RFX3: variants seen among roughly 807,000 people sequenced by gnomAD.
RFX3 encodes the protein transcription factor RFX3.
RFX3 carries 14 observed loss-of-function variants against 98.6 expected under a neutral mutation model. The observed-to-expected ratio is 0.14, with a 90% CI of 0.09 to 0.22. The LOEUF is 0.22. Ranked by LOEUF, RFX3 falls within the 10% of genes least tolerant of loss-of-function variation. RFX3 has a pLI of 1.00. For missense variants in RFX3, 639 were observed against 926.9 expected (o/e 0.69, Z 4.03); for synonymous variants, 383 against 328.4 (o/e 1.17, Z -1.80).
chr9:3,502,836 AATAAG>A (rs1356328946), intron 1 of RFX3, among the ~76,000 whole-genome samples: 2 of 152,134 alleles, frequency 1.3e-5, no homozygotes, highest in Non-Finnish European at 2.9e-5. Flanking sequence ...CAATGGGAAT[AATAAG>A]ATAGGTGGGG....
At chr9:3,310,200 T>C (rs1829801362) in intron 4 of RFX3, among the ~76,000 whole-genome samples, 1 of 152,154 alleles carries the variant, frequency 6.6e-6, no homozygotes, top group African/African-American at 2.4e-5. Context: ...GAAGAGGTGT[T>C]GAGTCTTTTG....
intron 7 of RFX3, among the ~76,000 whole-genome samples, chr9:3,281,438 C>T (rs1825901267): frequency 6.7e-6 from 1 of 150,234 alleles, no homozygotes; most frequent in East Asian, 1.9e-4. Context: ...GAGTATTTTC[C>T]TCCCTTTACT....
intron 2 of RFX3, among the ~76,000 whole-genome samples, chr9:3,389,418 C>G (rs935277852): frequency 2.0e-5 from 3 of 151,978 alleles, no homozygotes; most frequent in East Asian, 1.9e-4. Context: ...TGGGTAATAT[C>G]AAAATTTGAG....
chr9:3,513,028 C>G lies in RFX3; in HGVS notation c.-9+12719G>C, dbSNP rs187392504. 2.6e-5 allele frequency among the ~76,000 whole-genome samples: 4 copies of G among 152,180 alleles called. No individual in the cohort carries two copies. The East Asian group carries it at 7.7e-4, about 29-fold the overall frequency. ...CAATTTTGTATCTAATAACCCATTT[C>G]TCTCATTTCTTTATGCTCCTTAAAA... On this transcript the variant is annotated intron_variant, in intron 1 of 16. Coordinates refer to ENST00000617270, the MANE Select transcript of RFX3 (RefSeq NM_001282116.2).
intron 2 of RFX3, among the ~76,000 whole-genome samples, chr9:3,351,543 C>T (rs1223907729): frequency 6.6e-6 from 1 of 151,736 alleles, no homozygotes; most frequent in African/African-American, 2.4e-5. Flanking sequence ...AAAATCTAGA[C>T]ATATAATTGA....
At chr9:3,269,601 C>T (rs189459212) in intron 11 of RFX3, among the ~76,000 whole-genome samples, 4 of 152,022 alleles carry the variant, frequency 2.6e-5, no homozygotes, top group Admixed American at 1.3e-4. Context: ...GCGTTTATAT[C>T]GATACTTGAG....
intron 15 of RFX3, among the ~76,000 whole-genome samples, chr9:3,236,746 T>C (rs149939195): frequency 3.3e-5 from 5 of 152,298 alleles, no homozygotes; most frequent in African/African-American, 9.6e-5. Flanking sequence ...CAGCAACAGA[T>C]AGTCCACATA....
At chr9:3,417,134 T>C (rs1843054145) in intron 1 of RFX3, among the ~76,000 whole-genome samples, 1 of 152,078 alleles carries the variant, frequency 6.6e-6, no homozygotes, top group Non-Finnish European at 1.5e-5. Context: ...GGAGCCTGCC[T>C]ATTCATCAAG....
At position 3,456,957 on chromosome 9, in the gene RFX3, G is replaced by A. The variant is rs576381285; in HGVS notation, c.-8-61361C>T. ...AGGTCAAGAGATCGAGACCATCCTG[G>A]CCAACATGGTGAAACCCCGTCTCTA... is the stretch of plus-strand genomic sequence containing the variant. On this transcript the variant is annotated intron_variant, in intron 1 of 16. Coordinates refer to ENST00000617270, the MANE Select transcript of RFX3 (RefSeq NM_001282116.2). Among the ~76,000 whole-genome samples, 6 of 151,694 alleles carry A rather than the reference G, an allele frequency of 4.0e-5. No homozygotes were observed. The South Asian group carries it at 6.2e-4, about 16-fold the overall frequency.
At chr9:3,242,201 G>C (rs1477446474) in intron 15 of RFX3, among the ~76,000 whole-genome samples, 1 of 152,112 alleles carries the variant, frequency 6.6e-6, no homozygotes. Flanking sequence ...TGGTGAAATA[G>C]GGATACTGAG....
At chr9:3,407,563 T>C (rs1472776095) in intron 1 of RFX3, among the ~76,000 whole-genome samples, 5 of 152,168 alleles carry the variant, frequency 3.3e-5, no homozygotes, top group Non-Finnish European at 7.4e-5. Flanking sequence ...TGTTGTTTCA[T>C]TGTTTTTTTA....
intron 1 of RFX3, among the ~76,000 whole-genome samples, chr9:3,427,319 T>C (rs1202504793): frequency 7.0e-6 from 1 of 142,704 alleles, no homozygotes; most frequent in East Asian, 2.0e-4. Flanking sequence ...TACATAATAA[T>C]ACAATATATA....
intron 1 of RFX3, among the ~76,000 whole-genome samples, chr9:3,434,152 C>G (rs1398478618): frequency 2.0e-5 from 3 of 152,088 alleles, no homozygotes; most frequent in South Asian, 4.1e-4. Flanking sequence ...TTTTGAGTAA[C>G]AAGGCTCTGA....
intron 1 of RFX3, among the ~76,000 whole-genome samples, chr9:3,505,338 T>TA (rs745964528): frequency 9.5e-4 from 25 of 26,448 alleles, no homozygotes; most frequent in African/African-American, 5.3e-3. Flanking sequence ...ATATTTTATA[T>TA]AAATAAAATA....
At chr9:3,503,547 T>G (rs1374458276) in intron 1 of RFX3, among the ~76,000 whole-genome samples, 1 of 152,046 alleles carries the variant, frequency 6.6e-6, no homozygotes, top group Non-Finnish European at 1.5e-5. Context: ...GACACCAAAC[T>G]GAAATGGAAA....
At chr9:3,370,817 G>C (rs915212078) in intron 2 of RFX3, among the ~76,000 whole-genome samples, 1 of 152,052 alleles carries the variant, frequency 6.6e-6, no homozygotes, top group African/African-American at 2.4e-5. Flanking sequence ...ACAATGTCCA[G>C]ATAAGTAATT....
intron 1 of RFX3, among the ~76,000 whole-genome samples, chr9:3,416,185 A>C (rs1331800719): frequency 1.3e-5 from 2 of 152,216 alleles, no homozygotes; most frequent in Non-Finnish European, 2.9e-5. Flanking sequence ...TGCTTTATAA[A>C]TACTATCCCA....
chr9:3,287,788 T>C (rs1826824528), intron 7 of RFX3, among the ~76,000 whole-genome samples: 1 of 151,990 alleles, frequency 6.6e-6, no homozygotes, highest in South Asian at 2.1e-4. Flanking sequence ...TTGAGAGATG[T>C]GCAGAATAGC....
intron 2 of RFX3, among the ~76,000 whole-genome samples, chr9:3,373,619 G>C (rs1044701928): frequency 6.6e-6 from 1 of 152,082 alleles, no homozygotes; most frequent in African/African-American, 2.4e-5. Flanking sequence ...AGGAATAAAA[G>C]GTATAAGGAA....
Sources: allele counts gnomAD v4.1 joint callset (sites outside exome capture counted in the v4.1 genomes callset), GRCh38; gene constraint gnomAD v4.1.1; transcripts MANE v1.5; gene names NCBI Gene and HGNC (gene_info 2026-07-23, HGNC 2026-07-21).